The following ARMC3 variants were observed in gnomAD, a reference collection of about 807,000 sequenced individuals.
The protein encoded by ARMC3 is armadillo repeat-containing protein 3.
Under a neutral mutation model 90.3 loss-of-function variants are expected in ARMC3, and 74 were observed. The observed-to-expected ratio is 0.82, with a 90% CI of 0.68 to 0.99. ARMC3 has a LOEUF of 0.99. Ranked by LOEUF, ARMC3 falls within the 50% of genes least tolerant of loss-of-function variation. ARMC3 has a pLI of 0.00. For synonymous variants in ARMC3, 334 were observed against 361.8 expected, an observed-to-expected ratio of 0.92 and a Z score of 0.87; for missense variants, 958 against 1,042.8, an observed-to-expected ratio of 0.92 and a Z score of 1.12.
At chr10:22,946,971 G>A (rs1346067379) in intron 3 of ARMC3, among the ~76,000 whole-genome samples, 1 of 152,044 alleles carries the variant, frequency 6.6e-6, no homozygotes, top group East Asian at 1.9e-4. Flanking sequence ...ACCAGCCTTG[G>A]CAATGTGGCA....
At chr10:23,033,844 C>T (rs1451052170) in intron 18 of ARMC3, among the ~76,000 whole-genome samples, 3 of 152,082 alleles carry the variant, frequency 2.0e-5, no homozygotes, top group African/African-American at 2.4e-5. Context: ...AAGAACAAAA[C>T]GATTTCTGGG....
Position 22,968,294 on chromosome 10 carries a change from T to G in ARMC3, c.733-12T>G. 1 of 1,610,586 alleles carries G rather than the reference T, an allele frequency of 6.2e-7. No individual in the cohort carries two copies. The highest frequency in any genetic ancestry group is 8.5e-7 in the Non-Finnish European group (1 of 1,177,732). On this transcript the variant is annotated splice_polypyrimidine_tract_variant and intron_variant, in intron 7 of 18. Coordinates refer to ENST00000298032, the MANE Select transcript of ARMC3 (RefSeq NM_173081.5). ...TACAACTTTCTAAAGTTGTATTTGC[T>G]TTTATTATTAGGAATTGAATGACCT...
At chr10:22,991,195 CT>C (rs1217880839) in intron 10 of ARMC3, among the ~76,000 whole-genome samples, 1 of 152,172 alleles carries the variant, frequency 6.6e-6, no homozygotes, top group African/African-American at 2.4e-5. Flanking sequence ...TGTTGATTAA[CT>C]TACCTTTGAG....
At chr10:22,965,947 AAC>A (rs1356538501) in intron 7 of ARMC3, among the ~76,000 whole-genome samples, 1 of 152,188 alleles carries the variant, frequency 6.6e-6, no homozygotes, top group Non-Finnish European at 1.5e-5. Flanking sequence ...ACCTGTCCCT[AAC>A]AGAGTAGATT....
intron 2 of ARMC3, among the ~76,000 whole-genome samples, chr10:22,939,706 G>C (rs1387636243): frequency 1.3e-5 from 2 of 152,184 alleles, no homozygotes; most frequent in East Asian, 3.9e-4. Context: ...TAGATGCTCA[G>C]CTACATAATT....
At chr10:22,930,561 T>A (rs1279713184) in intron 1 of ARMC3, among the ~76,000 whole-genome samples, 1 of 152,208 alleles carries the variant, frequency 6.6e-6, no homozygotes, top group Non-Finnish European at 1.5e-5. Flanking sequence ...TTAAAAGTAG[T>A]GTGGTCTGAA....
chr10:23,029,274 T>G (rs1041213169), intron 16 of ARMC3, among the ~76,000 whole-genome samples: 1 of 152,198 alleles, frequency 6.6e-6, no homozygotes, highest in Non-Finnish European at 1.5e-5. Context: ...TGGGGAATTA[T>G]GGAATTCAAT....
chr10:22,984,875 C>G (rs1354151082), intron 10 of ARMC3, among the ~76,000 whole-genome samples: 1 of 150,680 alleles, frequency 6.6e-6, no homozygotes, highest in Non-Finnish European at 1.5e-5. Flanking sequence ...TCCTTCTCAA[C>G]CTTCTGTTTT....
chr10:22,992,969 G>A (rs1290877320), intron 10 of ARMC3, among the ~76,000 whole-genome samples: 3 of 135,140 alleles, frequency 2.2e-5, no homozygotes, highest in Admixed American at 7.5e-5. Context: ...CCGCCAATAT[G>A]TCTTCCTTGG....
rs1280884391 is a variant in ARMC3, at chr10:22,960,372, GT to G, written c.537+799del. 4 of 152,422 alleles carry G rather than the reference GT, an allele frequency of 2.6e-5. No individual in the cohort carries two copies. The East Asian group carries it at 7.7e-4, about 29-fold the overall frequency. The allele number at this position is 152,422 out of a possible 1,614,324, so 9.4% of individuals were successfully genotyped here. A position where few individuals can be genotyped will look rare whatever the true frequency, so the allele number is the denominator to read the frequency against. On this transcript the variant is annotated intron_variant, in intron 6 of 18. Transcript: ENST00000298032. ...AGAAGAGGATTAATGCAGAGGCAAT[GT>G]ATTCAGGCAAAGAGGGACAAATAGG...
intron 8 of ARMC3, among the ~76,000 whole-genome samples, chr10:22,978,362 G>A (rs1030404953): frequency 6.6e-6 from 1 of 152,196 alleles, no homozygotes. Context: ...CAGCAAAGGG[G>A]AGAAGCCCCT....
rs536501161 is a variant in ARMC3 at position 23,028,024 on chromosome 10, C to T, written c.2046-2572C>T. Among the ~76,000 whole-genome samples the T allele has an allele frequency of 5.9e-5, 9 of 152,246 alleles. No individual in the cohort carries two copies. In the East Asian group the frequency reaches 1.7e-3, roughly 29 times the overall value. On this transcript the variant is annotated intron_variant, in intron 16 of 18. Coordinates refer to ENST00000298032, the MANE Select transcript of ARMC3 (RefSeq NM_173081.5). ...AAGCATGGTGGCACACACCTGTGCT[C>T]CCAGCTACTCAGGAGGCTGAGGTGG...
At chr10:22,952,083 C>A (rs1049871009) in intron 3 of ARMC3, among the ~76,000 whole-genome samples, 1 of 152,058 alleles carries the variant, frequency 6.6e-6, no homozygotes, top group Non-Finnish European at 1.5e-5. Flanking sequence ...TGAGATCATG[C>A]CACTGCACTC....
chr10:22,990,966 T>TCTCCCCCTCTCTGCTTCCTCTGC (rs1365684137), intron 10 of ARMC3, among the ~76,000 whole-genome samples: 2 of 151,756 alleles, frequency 1.3e-5, no homozygotes, highest in Non-Finnish European at 2.9e-5. Flanking sequence ...TAGTCTCCCT[T>TCTCCCCCTCTCTGCTTCCTCTGC]CTCCCCCTCT....
chr10:23,002,700 G>C (rs545185208), intron 12 of ARMC3, among the ~76,000 whole-genome samples: 1 of 150,668 alleles, frequency 6.6e-6, no homozygotes, highest in Non-Finnish European at 1.5e-5. Flanking sequence ...CCCTGGGTTC[G>C]CAATTCTCCT....
intron 8 of ARMC3, among the ~76,000 whole-genome samples, chr10:22,980,693 G>A (rs1236231951): frequency 6.6e-6 from 1 of 152,060 alleles, no homozygotes; most frequent in Non-Finnish European, 1.5e-5. Flanking sequence ...CAAAGTTAGT[G>A]TTTTAAATGG....
intron 16 of ARMC3, among the ~76,000 whole-genome samples, chr10:23,012,581 C>T (rs1838065652): frequency 6.6e-6 from 1 of 152,046 alleles, no homozygotes; most frequent in Admixed American, 6.6e-5. Flanking sequence ...CAAGCTCCCT[C>T]CCCCTCTCTT....
At position 23,030,580 on chromosome 10, in the gene ARMC3, T is replaced by C. The variant is rs1838884183; in HGVS notation, c.2046-16T>C. The C allele has an allele frequency of 6.2e-7, 1 of 1,603,334 alleles. No individual in the cohort carries two copies. The highest frequency in any genetic ancestry group is 1.1e-5 in the South Asian group (1 of 89,932). On this transcript the variant is annotated splice_polypyrimidine_tract_variant and intron_variant, in intron 16 of 18. Coordinates refer to ENST00000298032, the MANE Select transcript of ARMC3 (RefSeq NM_173081.5). The stretch of plus-strand genomic sequence containing the variant: ...GCAGAAGATGTGATTTTGATTGCCC[T>C]TGTTTACTTTCAAAGGAAAAGCAAA...
At chr10:22,992,727 G>A (rs1836765307) in intron 10 of ARMC3, among the ~76,000 whole-genome samples, 1 of 152,120 alleles carries the variant, frequency 6.6e-6, no homozygotes, top group Non-Finnish European at 1.5e-5. Flanking sequence ...GACCAATTTA[G>A]CAAACACACT....
Sources: allele counts gnomAD v4.1 joint callset (sites outside exome capture counted in the v4.1 genomes callset), GRCh38; gene constraint gnomAD v4.1.1; transcripts MANE v1.5; gene names NCBI Gene and HGNC (gene_info 2026-07-23, HGNC 2026-07-21).